Variants in ADGRL3 observed in about 807,000 individuals in gnomAD.
ADGRL3 encodes adhesion G protein-coupled receptor L3.
A neutral mutation model predicts 153.5 loss-of-function variants in ADGRL3; 62 were observed. The ratio of observed to expected loss-of-function variants is 0.40; its 90% confidence interval spans 0.33 to 0.50. The LOEUF (loss-of-function observed/expected upper bound fraction) is 0.50, where lower values mean the gene tolerates loss of function less well. ADGRL3 is among the 20% of genes least tolerant of loss of function. The pLI is 0.47. For missense variants in ADGRL3, 1,641 were observed against 1,859.4 expected, an observed-to-expected ratio of 0.88 and a Z score of 2.16; for synonymous variants, 710 against 672.5, an observed-to-expected ratio of 1.06 and a Z score of -0.86.
intron 5 of ADGRL3, among the ~76,000 whole-genome samples, chr4:61,591,210 C>A (rs2098967736): frequency 2.0e-5 from 3 of 152,144 alleles, no homozygotes; most frequent in Admixed American, 2.0e-4. Context: ...TCCGGCTTCT[C>A]TCATGTAATG....
chr4:62,013,376 C>T (rs2099195680), intron 21 of ADGRL3, among the ~76,000 whole-genome samples: 1 of 151,790 alleles, frequency 6.6e-6, no homozygotes, highest in African/African-American at 2.4e-5. Flanking sequence ...CCCATCTCTA[C>T]TACAAAAATA....
intron 1 of ADGRL3, among the ~76,000 whole-genome samples, chr4:61,279,020 T>G (rs2093609136): frequency 6.6e-6 from 1 of 152,214 alleles, no homozygotes; most frequent in Non-Finnish European, 1.5e-5. Flanking sequence ...ATTTAGTGCT[T>G]TAAACATGTT....
At chr4:61,436,442 AAGG>A (rs1477692822) in intron 2 of ADGRL3, among the ~76,000 whole-genome samples, 1 of 152,178 alleles carries the variant, frequency 6.6e-6, no homozygotes, top group Non-Finnish European at 1.5e-5. Flanking sequence ...TTCTATTCTC[AAGG>A]AGCTCATAGT....
At chr4:61,662,821 G>T (rs1320540394) in intron 5 of ADGRL3, among the ~76,000 whole-genome samples, 1 of 152,146 alleles carries the variant, frequency 6.6e-6, no homozygotes, top group Non-Finnish European at 1.5e-5. Flanking sequence ...CCTGACTTGG[G>T]CAGACGATGG....
intron 6 of ADGRL3, among the ~76,000 whole-genome samples, chr4:61,701,617 A>G (rs1487328838): frequency 6.6e-6 from 1 of 151,166 alleles, no homozygotes; most frequent in African/African-American, 2.4e-5. Context: ...TATTTTTTTT[A>G]GTAGAGATGG....
At chr4:61,600,042 G>T (rs2099004586) in intron 5 of ADGRL3, among the ~76,000 whole-genome samples, 1 of 152,108 alleles carries the variant, frequency 6.6e-6, no homozygotes, top group Non-Finnish European at 1.5e-5. Context: ...AGGCGTGGTG[G>T]CTCACGCCTG....
At chr4:61,757,062 G>A (rs1366395244) in intron 8 of ADGRL3, among the ~76,000 whole-genome samples, 1 of 152,184 alleles carries the variant, frequency 6.6e-6, no homozygotes, top group Non-Finnish European at 1.5e-5. Context: ...GTTCATCAGA[G>A]ATATTGGTCT....
chr4:61,923,081 C>T (rs992537613), intron 13 of ADGRL3, among the ~76,000 whole-genome samples: 5 of 152,082 alleles, frequency 3.3e-5, no homozygotes, highest in African/African-American at 1.2e-4. Flanking sequence ...GGTCAAGTGA[C>T]AAGTGGTTGG....
chr4:61,796,682 T>C (rs563523625), intron 8 of ADGRL3, among the ~76,000 whole-genome samples: 1 of 152,334 alleles, frequency 6.6e-6, no homozygotes, highest in East Asian at 1.9e-4. Context: ...TTTTTCATGC[T>C]AACTCTGGAT....
chr4:61,602,290 A>G (rs942024396), intron 5 of ADGRL3, among the ~76,000 whole-genome samples: 1 of 152,122 alleles, frequency 6.6e-6, no homozygotes, highest in Admixed American at 6.6e-5. Flanking sequence ...TCCTTATTGG[A>G]TCAGCTTGAC....
intron 22 of ADGRL3, among the ~76,000 whole-genome samples, chr4:62,029,798 C>G (rs1204453239): frequency 6.6e-6 from 1 of 150,482 alleles, no homozygotes; most frequent in Non-Finnish European, 1.5e-5. Flanking sequence ...TAATACCTGA[C>G]TTAAGTATTT....
At chr4:61,596,312 C>T (rs551028547) in intron 5 of ADGRL3, among the ~76,000 whole-genome samples, 3 of 152,252 alleles carry the variant, frequency 2.0e-5, no homozygotes, top group Non-Finnish European at 2.9e-5. Flanking sequence ...TGTAATCAGA[C>T]TTGAATATAA....
At chr4:61,354,574 C>G (rs367831083) in intron 1 of ADGRL3, among the ~76,000 whole-genome samples, 69 of 148,280 alleles carry the variant, frequency 4.7e-4, no homozygotes, top group Admixed American at 1.3e-3. Context: ...AAGACTTTGT[C>G]TGTGTGTGTG....
At chr4:62,046,096 C>T (rs1276600392) in intron 25 of ADGRL3, among the ~76,000 whole-genome samples, 2 of 151,652 alleles carry the variant, frequency 1.3e-5, no homozygotes, top group East Asian at 3.9e-4. Context: ...TTAAACAATT[C>T]CATATATAAG....
intron 3 of ADGRL3, among the ~76,000 whole-genome samples, chr4:61,505,789 A>C (rs2152844824): frequency 6.6e-6 from 1 of 151,314 alleles, no homozygotes; most frequent in South Asian, 2.1e-4. Flanking sequence ...CATATTATAT[A>C]TTAGTGTCCT....
intron 8 of ADGRL3, among the ~76,000 whole-genome samples, chr4:61,757,651 GC>G (rs890444087): frequency 1.5e-4 from 23 of 151,854 alleles, no homozygotes; most frequent in African/African-American, 5.6e-4. Flanking sequence ...GTTATTTCTT[GC>G]CTTCTACTAG....
intron 5 of ADGRL3, among the ~76,000 whole-genome samples, chr4:61,613,817 C>T (rs1462670183): frequency 2.0e-5 from 3 of 152,020 alleles, no homozygotes; most frequent in African/African-American, 7.2e-5. Context: ...AATATGTAAA[C>T]TGAGATGCAA....
intron 8 of ADGRL3, among the ~76,000 whole-genome samples, chr4:61,783,245 C>G (rs181411382): frequency 6.6e-6 from 1 of 152,214 alleles, no homozygotes; most frequent in East Asian, 1.9e-4. Flanking sequence ...ATGATTGTGG[C>G]AGATGATGTT....
intron 1 of ADGRL3, among the ~76,000 whole-genome samples, chr4:61,206,595 C>T (rs1737309196): frequency 6.6e-6 from 1 of 152,130 alleles, no homozygotes; most frequent in Admixed American, 6.5e-5. Flanking sequence ...GCTCTGATGG[C>T]ATATGTCATA....
Sources: allele counts gnomAD v4.1 joint callset (sites outside exome capture counted in the v4.1 genomes callset), GRCh38; gene constraint gnomAD v4.1.1; transcripts MANE v1.5; gene names NCBI Gene and HGNC (gene_info 2026-07-23, HGNC 2026-07-21).